The following PMFBP1 variants were observed in gnomAD, a reference collection of about 807,000 sequenced individuals.
PMFBP1 encodes the protein polyamine-modulated factor 1-binding protein 1.
In PMFBP1, 131 loss-of-function variants were observed where a neutral mutation model predicts 137.8. The ratio of observed to expected loss-of-function variants is 0.95; its 90% CI spans 0.82 to 1.10. PMFBP1 has a LOEUF of 1.10. Among genes scored for constraint, PMFBP1 ranks in the 50% least tolerant of loss-of-function variants. The pLI is 0.00. For missense variants in PMFBP1, 1,199 were observed against 1,175.4 expected (o/e 1.02, Z -0.29); for synonymous variants, 490 against 450.4 (o/e 1.09, Z -1.11).
intron 5 of PMFBP1, among the ~76,000 whole-genome samples, chr16:72,150,013 A>G (rs1190861433): frequency 6.6e-6 from 1 of 152,194 alleles, no homozygotes; most frequent in African/African-American, 2.4e-5. Context: ...CTATCTAGAG[A>G]GCCTATAATA....
chr16:72,206,134 G>C, the PMFBP1 span, among the ~76,000 whole-genome samples: 2 of 152,186 alleles, frequency 1.3e-5, no homozygotes, highest in South Asian at 4.1e-4. Flanking sequence ...CAGGACAGAA[G>C]CAGAGGCATG....
chr16:72,239,498 T>G, the PMFBP1 span, among the ~76,000 whole-genome samples: 2 of 152,228 alleles, frequency 1.3e-5, no homozygotes, highest in Non-Finnish European at 2.9e-5. Context: ...GTGTGGGCCT[T>G]TCTTTAAACC....
chr16:72,136,698 A>T lies in PMFBP1; in HGVS notation c.1040T>A (p.Met347Lys), dbSNP rs1054991944. Residue 347 changes from methionine to lysine, a missense_variant, in exon 8 of 21, where the codon ATG becomes AAG. Transcript: ENST00000237353. ...AGCCTGCAGCCCCAGTTTACCCTTC[A>T]TGATGTTTCTCTTCTGTTCCGACAC... ...EAVSEQKRNI[M>K]KDMMKLELDL... 11 of 1,613,672 alleles carry T rather than the reference A, an allele frequency of 6.8e-6. No homozygotes were observed. The highest frequency in any genetic ancestry group is 1.7e-5 in the Admixed American group (1 of 59,978).
rs571388418 is a variant in PMFBP1 at position 72,124,111 on chromosome 16, A to C, written c.2590-462T>G. ...GGCAGCTTAACCTCCCCCCCGGCTC[A>C]AGCTATCCTCCCACTTAGCCTGCCG... On this transcript the variant is annotated intron_variant, in intron 17 of 20. Coordinates refer to ENST00000237353, the MANE Select transcript of PMFBP1 (RefSeq NM_031293.3). Among the ~76,000 whole-genome samples, 15 of 152,148 alleles carry C rather than the reference A, an allele frequency of 9.9e-5. No homozygotes were observed. The East Asian group carries it at 2.7e-3, about 27-fold the overall frequency.
At chr16:72,141,585 G>T (rs1388983635) in intron 5 of PMFBP1, among the ~76,000 whole-genome samples, 4 of 152,060 alleles carry the variant, frequency 2.6e-5, no homozygotes, top group African/African-American at 9.7e-5. Context: ...TTTTTACTCA[G>T]CAAGATGAGT....
chr16:72,227,225 T>A, the PMFBP1 span, among the ~76,000 whole-genome samples: 1 of 152,230 alleles, frequency 6.6e-6, no homozygotes, highest in Non-Finnish European at 1.5e-5. Context: ...ATAATTAGCA[T>A]GCTGATTCCC....
At chr16:72,193,668 A>G in the PMFBP1 span, among the ~76,000 whole-genome samples, 1 of 151,766 alleles carries the variant, frequency 6.6e-6, no homozygotes, top group Non-Finnish European at 1.5e-5. Flanking sequence ...TACTATGAAG[A>G]ACTTTTCTCC....
chr16:72,137,536 AG>A (rs2042650829), intron 7 of PMFBP1, among the ~76,000 whole-genome samples: 1 of 152,056 alleles, frequency 6.6e-6, no homozygotes, highest in African/African-American at 2.4e-5. Flanking sequence ...GACTTGCTGG[AG>A]GTGAGCTTTC....
chr16:72,240,614 C>A, the PMFBP1 span, among the ~76,000 whole-genome samples: 1 of 152,088 alleles, frequency 6.6e-6, no homozygotes, highest in East Asian at 1.9e-4. Flanking sequence ...GACATCTGTG[C>A]TTGAATCATG....
At chr16:72,209,186 C>T in the PMFBP1 span, among the ~76,000 whole-genome samples, 1 of 152,184 alleles carries the variant, frequency 6.6e-6, no homozygotes. Flanking sequence ...TCAAATAGCG[C>T]TTGTGTCCAG....
At chr16:72,210,481 G>T in the PMFBP1 span, among the ~76,000 whole-genome samples, 1 of 152,110 alleles carries the variant, frequency 6.6e-6, no homozygotes, top group Non-Finnish European at 1.5e-5. Flanking sequence ...AAAGCCCCAG[G>T]CACCAGAATT....
the PMFBP1 span, among the ~76,000 whole-genome samples, chr16:72,238,048 T>A: frequency 5.9e-5 from 9 of 152,376 alleles, no homozygotes; most frequent in African/African-American, 2.2e-4. Flanking sequence ...AGTCTATCAT[T>A]GATGGACATT....
the PMFBP1 span, among the ~76,000 whole-genome samples, chr16:72,246,801 A>G: frequency 6.6e-6 from 1 of 152,152 alleles, no homozygotes; most frequent in Admixed American, 6.5e-5. Context: ...AGTGCCTAGC[A>G]AAGGGCATGG....
At chr16:72,139,145 C>T in intron 7 of PMFBP1, 144 bp downstream of exon 7, 1 of 640,116 alleles carries the variant, frequency 1.6e-6, no homozygotes, top group Admixed American at 2.9e-5. Flanking sequence ...TACACAGTAT[C>T]CTTGTGGCAG....
At chr16:72,148,925 T>C (rs912239895) in intron 5 of PMFBP1, among the ~76,000 whole-genome samples, 1 of 152,218 alleles carries the variant, frequency 6.6e-6, no homozygotes, top group Non-Finnish European at 1.5e-5. Context: ...GAACTGATGA[T>C]GACATGGAGG....
the PMFBP1 span, among the ~76,000 whole-genome samples, chr16:72,244,228 C>T: frequency 6.6e-6 from 1 of 151,926 alleles, no homozygotes; most frequent in South Asian, 2.1e-4. Context: ...AAAAAACAAA[C>T]CCTGCACAGA....
intron 3 of PMFBP1, among the ~76,000 whole-genome samples, chr16:72,160,694 G>A (rs2043048744): frequency 6.6e-6 from 1 of 151,984 alleles, no homozygotes; most frequent in Non-Finnish European, 1.5e-5. Context: ...TTCCTGGGGA[G>A]GGGACCAAAA....
chr16:72,188,491 T>A, the PMFBP1 span, among the ~76,000 whole-genome samples: 48 of 152,210 alleles, frequency 3.2e-4, no homozygotes, highest in African/African-American at 9.4e-4. Flanking sequence ...ATAGGAATAT[T>A]CTTGAATAAA....
the PMFBP1 span, among the ~76,000 whole-genome samples, chr16:72,204,834 G>A: frequency 4.6e-5 from 7 of 152,350 alleles, no homozygotes; most frequent in Non-Finnish European, 8.8e-5. Flanking sequence ...TATCTGTCCA[G>A]TGAGGTAGCC....
Sources: allele counts gnomAD v4.1 joint callset (sites outside exome capture counted in the v4.1 genomes callset), GRCh38; gene constraint gnomAD v4.1.1; transcripts MANE v1.5; gene names NCBI Gene and HGNC (gene_info 2026-07-23, HGNC 2026-07-21).